The following LRRFIP2 variants were observed in gnomAD, a reference collection of about 807,000 sequenced individuals.
LRRFIP2 encodes leucine-rich repeat flightless-interacting protein 2.
In LRRFIP2, 109 loss-of-function variants were observed where a neutral mutation model predicts 125.9. The ratio of observed to expected loss-of-function variants is 0.87; its 90% confidence interval spans 0.74 to 1.01. The LOEUF (loss-of-function observed/expected upper bound fraction) is 1.01, where lower values mean the gene tolerates loss of function less well. Ranked by LOEUF, LRRFIP2 falls within the 50% of genes least tolerant of loss-of-function variation. LRRFIP2 has a pLI of 0.00. For synonymous variants in LRRFIP2, 291 were observed against 293.1 expected (o/e 0.99, Z 0.07); for missense variants, 850 against 862.3 (o/e 0.99, Z 0.18).
chr3:37,068,036 T>C (rs1243717850), intron 21 of LRRFIP2: 1 of 152,224 alleles, frequency 6.6e-6, no homozygotes, highest in African/African-American at 2.4e-5. Flanking sequence ...ACAATTTACA[T>C]TCACACTATA....
chr3:37,105,271 T>C (rs2094261226), intron 14 of LRRFIP2, among the ~76,000 whole-genome samples, 184 bp downstream of exon 14: 1 of 152,238 alleles, frequency 6.6e-6, no homozygotes, highest in Admixed American at 6.5e-5. Context: ...AATGAAAGCT[T>C]GCACAGCCCA....
chr3:37,096,532 T>C (rs2093727781), intron 16 of LRRFIP2, 84 bp downstream of exon 16: 2 of 851,190 alleles, frequency 2.3e-6, no homozygotes, highest in Admixed American at 2.3e-5. Flanking sequence ...ATCAGACCAA[T>C]TGTTGTAAAA....
At chr3:37,061,211 G>A (rs142122512) in intron 24 of LRRFIP2, among the ~76,000 whole-genome samples, 283 of 152,140 alleles carry the variant, frequency 1.9e-3, no homozygotes, top group African/African-American at 6.5e-3. Flanking sequence ...GGGCGCGGTG[G>A]CTCATGCCTG....
chr3:37,105,805 C>G (rs1348205382), intron 13 of LRRFIP2, among the ~76,000 whole-genome samples: 1 of 152,140 alleles, frequency 6.6e-6, no homozygotes, highest in Non-Finnish European at 1.5e-5. Flanking sequence ...TGGCTCATGC[C>G]TGTAATCCCA....
chr3:37,141,032 A>G (rs1290708362), intron 2 of LRRFIP2, among the ~76,000 whole-genome samples: 1 of 152,114 alleles, frequency 6.6e-6, no homozygotes, highest in East Asian at 1.9e-4. Context: ...AAAAATACAA[A>G]AATTAGCTGG....
intron 23 of LRRFIP2, chr3:37,065,417 G>C (rs1350370010): frequency 2.7e-6 from 1 of 371,948 alleles, no homozygotes; most frequent in Non-Finnish European, 5.3e-6. Flanking sequence ...GGGGTAAGCA[G>C]TGGAACATAA....
intron 24 of LRRFIP2, among the ~76,000 whole-genome samples, chr3:37,059,443 T>C (rs180821949): frequency 6.6e-6 from 1 of 152,330 alleles, no homozygotes. Context: ...TTTTTTGTTG[T>C]TTACTTTTAG....
chr3:37,167,196 C>CA (rs1560175338), intron 1 of LRRFIP2, among the ~76,000 whole-genome samples: 1,436 of 55,798 alleles, frequency 0.026, 46 homozygotes, highest in African/African-American at 0.06. Flanking sequence ...AATCTTGTCT[C>CA]CAAAAAAAAA....
chr3:37,116,299 AT>A (rs35875604), intron 6 of LRRFIP2, among the ~76,000 whole-genome samples: 51,979 of 147,150 alleles, frequency 0.35, 10,124 homozygotes, highest in Non-Finnish European at 0.46. Context: ...TACTTACCTA[AT>A]TTTTTTTTTT....
intron 7 of LRRFIP2, among the ~76,000 whole-genome samples, chr3:37,113,604 G>A (rs886373023): frequency 6.6e-6 from 1 of 152,076 alleles, no homozygotes; most frequent in African/African-American, 2.4e-5. Flanking sequence ...TCCTGGCTAA[G>A]GGTATAGGTA....
chr3:37,069,643 CACA>C (rs1253826616), intron 21 of LRRFIP2, among the ~76,000 whole-genome samples: 2 of 152,028 alleles, frequency 1.3e-5, no homozygotes, highest in African/African-American at 2.4e-5. Flanking sequence ...GTGACAGTAG[CACA>C]ACAACATGAA....
chr3:37,115,273 G>C (rs1450979114), intron 6 of LRRFIP2, among the ~76,000 whole-genome samples, 178 bp from the exon 7 acceptor site: 4 of 152,100 alleles, frequency 2.6e-5, no homozygotes, highest in Non-Finnish European at 2.9e-5. Flanking sequence ...CTTTTTCCTA[G>C]TATAAAGTAT....
chr3:37,072,695 A>G (rs2091438574), intron 21 of LRRFIP2, 95 bp downstream of exon 21: 2 of 713,352 alleles, frequency 2.8e-6, no homozygotes, highest in Non-Finnish European at 4.8e-6. Context: ...ATGCTCAAGA[A>G]GAATCAAAAG....
intron 19 of LRRFIP2, 137 bp downstream of exon 19, chr3:37,083,499 T>C (rs1576296670): frequency 3.8e-6 from 2 of 531,214 alleles, no homozygotes; most frequent in South Asian, 7.5e-5. Flanking sequence ...TATCTCATGG[T>C]GTTCTGTCAA....
chr3:37,133,339 A>C (rs570154492), intron 2 of LRRFIP2, among the ~76,000 whole-genome samples: 20 of 152,368 alleles, frequency 1.3e-4, no homozygotes, highest in African/African-American at 4.6e-4. Flanking sequence ...GAGACAACAT[A>C]TATTTATATA....
chr3:37,090,685 C>T (rs1332945773), intron 18 of LRRFIP2, among the ~76,000 whole-genome samples: 1 of 152,208 alleles, frequency 6.6e-6, no homozygotes, highest in Non-Finnish European at 1.5e-5. Context: ...CTGCCTCACA[C>T]ATTTATATTG....
At position 37,058,896 on chromosome 3, in the gene LRRFIP2, C is replaced by T. The variant is rs753103375; in HGVS notation, c.1764G>A (p.Lys588=). 6.2e-7 allele frequency: 1 copy of T among 1,613,922 alleles called. No homozygotes were observed. Residue 588 remains lysine (K), a synonymous_variant, in exon 25 of 28, where the codon AAG becomes AAA. Transcript: ENST00000336686. ...TCTGTCGTTCCTCCTCTAACTGAAGCTTCAGTTTTCTAATCTGAAATGAAA... is the reference window on the plus strand; with the variant it reads ...TCTGTCGTTCCTCCTCTAACTGAAGTTTCAGTTTTCTAATCTGAAATGAAA... ...EELLSQIRKL[K]LQLEEERQKC... is the part of the protein sequence containing the mutation.
chr3:37,062,126 A>G (rs1323380085), intron 24 of LRRFIP2, among the ~76,000 whole-genome samples: 1 of 152,196 alleles, frequency 6.6e-6, no homozygotes, highest in Non-Finnish European at 1.5e-5. Flanking sequence ...AGTAAAATCT[A>G]GCTCTCTACC....
chr3:37,152,472 C>T (rs1310578280), intron 1 of LRRFIP2, among the ~76,000 whole-genome samples: 2 of 151,968 alleles, frequency 1.3e-5, no homozygotes, highest in East Asian at 1.9e-4. Flanking sequence ...GACGGAGTCT[C>T]GCTCTTTCTT....
Sources: gnomAD v4.1 joint callset for allele counts (sites outside exome capture counted in the v4.1 genomes callset) on GRCh38, gnomAD v4.1.1 for gene constraint, MANE v1.5 for transcripts, NCBI Gene and HGNC (gene_info 2026-07-23, HGNC 2026-07-21) for gene names.